Variants in ANO10 observed in about 807,000 individuals in gnomAD.
ANO10 encodes anoctamin-10.
A neutral mutation model predicts 74.7 loss-of-function variants in ANO10; 77 were observed. That is an observed-to-expected ratio of 1.03 (90% CI 0.86 to 1.25). ANO10 has a LOEUF of 1.25. Ranked by LOEUF, ANO10 falls within the 50% of genes most tolerant of loss-of-function variation. The pLI, the probability that ANO10 is intolerant of heterozygous loss-of-function variation, is 0.00. For synonymous variants in ANO10, 279 were observed against 284.9 expected (o/e 0.98, Z 0.21); for missense variants, 721 against 778.1 (o/e 0.93, Z 0.87).
intron 11 of ANO10, among the ~76,000 whole-genome samples, chr3:43,530,154 G>T (rs2078393613): frequency 6.6e-6 from 1 of 151,974 alleles, no homozygotes; most frequent in Non-Finnish European, 1.5e-5. Flanking sequence ...AAGCATTAAA[G>T]AAATATTTTT....
chr3:43,458,555 A>AT (rs951139238), intron 11 of ANO10, among the ~76,000 whole-genome samples: 3 of 152,216 alleles, frequency 2.0e-5, no homozygotes, highest in African/African-American at 4.8e-5. Flanking sequence ...TCTCTTATGC[A>AT]TTACAAATTC....
chr3:43,625,942 T>C (rs75013775), upstream of ANO10, among the ~76,000 whole-genome samples: 1 of 146,136 alleles, frequency 6.8e-6, no homozygotes, highest in East Asian at 2.0e-4. Flanking sequence ...TTCAATTACT[T>C]TTTTTTTTTT....
intron 1 of ANO10, chr3:43,618,038 T>C (rs904371738): frequency 3.3e-5 from 5 of 152,216 alleles, no homozygotes; most frequent in Non-Finnish European, 5.9e-5. Context: ...AGGCAGTTAA[T>C]GGTGAGAGCA....
chr3:43,391,471 G>A (rs910468445), intron 12 of ANO10, among the ~76,000 whole-genome samples: 2 of 152,126 alleles, frequency 1.3e-5, no homozygotes, highest in African/African-American at 4.8e-5. Context: ...TTTATAGTAG[G>A]CAGCCTCTAA....
chr3:43,436,698 T>C (rs953694861), intron 11 of ANO10, among the ~76,000 whole-genome samples: 4 of 152,140 alleles, frequency 2.6e-5, no homozygotes, highest in African/African-American at 9.7e-5. Flanking sequence ...TATTAGCACA[T>C]TGCTCACCTT....
At chr3:43,561,137 T>C in intron 9 of ANO10, 83 bp downstream of exon 9, 4 of 1,455,734 alleles carry the variant, frequency 2.7e-6, no homozygotes, top group Non-Finnish European at 3.9e-6. Flanking sequence ...TCTGAGATCA[T>C]GAATGTATAA....
chr3:43,684,903 G>A (rs11718672), intron 1 of ANO10, among the ~76,000 whole-genome samples: 89,591 of 152,024 alleles, frequency 0.59, 30,188 homozygotes, highest in East Asian at 0.75. Flanking sequence ...GATGCAGGAA[G>A]GGGAACATCA....
intron 12 of ANO10, among the ~76,000 whole-genome samples, chr3:43,399,143 G>A (rs1247646310): frequency 1.3e-5 from 2 of 152,166 alleles, no homozygotes; most frequent in African/African-American, 2.4e-5. Context: ...GTTCTTAAAA[G>A]GATGAAACTG....
At chr3:43,633,417 C>T (rs2083570958) in intron 1 of ANO10, among the ~76,000 whole-genome samples, 2 of 152,144 alleles carry the variant, frequency 1.3e-5, no homozygotes, top group South Asian at 4.1e-4. Context: ...ATCAAAGACA[C>T]TATTTGGCTC....
intron 1 of ANO10, among the ~76,000 whole-genome samples, chr3:43,675,430 T>C (rs1467675090): frequency 6.6e-6 from 1 of 152,116 alleles, no homozygotes; most frequent in Non-Finnish European, 1.5e-5. Flanking sequence ...GTATGTGCCA[T>C]ATGAAGAGGA....
intron 7 of ANO10, among the ~76,000 whole-genome samples, chr3:43,574,246 G>A (rs150800484): frequency 2.0e-5 from 3 of 147,524 alleles, no homozygotes; most frequent in Non-Finnish European, 4.5e-5. Flanking sequence ...ATGTGCTACC[G>A]TGTCTGGCCC....
At chr3:43,399,373 T>C (rs1047634075) in intron 12 of ANO10, among the ~76,000 whole-genome samples, 1 of 152,260 alleles carries the variant, frequency 6.6e-6, no homozygotes, top group African/African-American at 2.4e-5. Flanking sequence ...CAATACTTTT[T>C]CAAATCTTTG....
intron 12 of ANO10, among the ~76,000 whole-genome samples, chr3:43,382,462 T>C (rs1053981605): frequency 5.7e-4 from 84 of 146,826 alleles, no homozygotes; most frequent in African/African-American, 1.9e-3. Context: ...GAGCTTGCAG[T>C]GAGCCGAGAT....
Position 43,565,732 on chromosome 3 carries a change from C to CAAAAA in ANO10, c.1219-10_1219-6dup, listed in dbSNP as rs367784953. 4.1e-5 allele frequency: 52 copies of CAAAAA among 1,275,918 alleles called. No individual in the cohort carries two copies. The highest frequency in any genetic ancestry group is 1.8e-4 in the South Asian group (12 of 68,154). 79.0% of individuals were successfully genotyped at this position (1,275,918 alleles called of 1,614,324 possible). On this transcript the variant is annotated splice_region_variant and splice_polypyrimidine_tract_variant and intron_variant, in intron 7 of 12. Coordinates refer to ENST00000292246, the MANE Select transcript of ANO10 (RefSeq NM_018075.5). ...AAAGCAATTGAGGAAGTTGAACTGC[C>CAAAAA]AAAAAAAAAAAAAAAAAAGATAAGT...
intron 1 of ANO10, among the ~76,000 whole-genome samples, chr3:43,645,487 C>CA (rs780440860): frequency 0.086 from 5,856 of 68,416 alleles, 194 homozygotes; most frequent in Admixed American, 0.19. Flanking sequence ...GACTCCGTCT[C>CA]AAAAAAAAAA....
At position 43,561,239 on chromosome 3, in the gene ANO10, T is replaced by C; in HGVS notation, c.1457A>G (p.Lys486Arg). Reference protein sequence around the residue: ...ATLYEQVILEKEMGTYLGTFD... With the variant: ...ATLYEQVILEREMGTYLGTFD... ...ACTTACCAAATAAGTTCCCATTTCT[T>C]TTTCCAGGATGACTTGTTCATATAA... Residue 486 changes from lysine (K) to arginine (R), a missense_variant, in exon 9 of 13, where the codon AAA becomes AGA. Physicochemically the swap from Lys to Arg is conservative, Grantham distance 26. Transcript: ENST00000292246. The C allele has an allele frequency of 6.2e-7, 1 of 1,614,190 alleles. No individual in the cohort carries two copies. The highest frequency in any genetic ancestry group is 8.5e-7 in the Non-Finnish European group (1 of 1,180,030).
chr3:43,386,986 C>A (rs1575627979), intron 12 of ANO10, among the ~76,000 whole-genome samples: 1 of 152,252 alleles, frequency 6.6e-6, no homozygotes, highest in East Asian at 1.9e-4. Flanking sequence ...CTTCACTGGA[C>A]TCTAGGAACC....
chr3:43,628,186 C>T (rs979484214), intron 1 of ANO10, among the ~76,000 whole-genome samples: 13 of 152,088 alleles, frequency 8.5e-5, no homozygotes, highest in Non-Finnish European at 1.5e-4. Flanking sequence ...AGTCAGGGAC[C>T]CCAAACGGAG....
At chr3:43,504,317 T>C (rs1426538337) in intron 11 of ANO10, among the ~76,000 whole-genome samples, 1 of 151,278 alleles carries the variant, frequency 6.6e-6, no homozygotes, top group Admixed American at 6.6e-5. Context: ...GATAGATAGA[T>C]AGATAGATAG....
Sources: allele counts gnomAD v4.1 joint callset (sites outside exome capture counted in the v4.1 genomes callset), GRCh38; gene constraint gnomAD v4.1.1; transcripts MANE v1.5; gene names NCBI Gene and HGNC (gene_info 2026-07-23, HGNC 2026-07-21).